PARVA: variants seen among roughly 807,000 people sequenced by gnomAD.
PARVA encodes the protein parvin alpha, also known as alpha-parvin.
In PARVA, 25 loss-of-function variants were observed where a neutral mutation model predicts 52.6. The ratio of observed to expected loss-of-function variants is 0.48; its 90% confidence interval spans 0.35 to 0.66. The LOEUF (loss-of-function observed/expected upper bound fraction) is 0.66. PARVA is among the 30% of genes least tolerant of loss of function. The pLI is 0.01. For missense variants in PARVA, 373 were observed against 450.9 expected (o/e 0.83, Z 1.56); for synonymous variants, 185 against 179.1 (o/e 1.03, Z -0.26).
intron 12 of PARVA, among the ~76,000 whole-genome samples, chr11:12,524,108 G>C (rs1419091589): frequency 6.6e-6 from 1 of 152,210 alleles, no homozygotes; most frequent in Admixed American, 6.5e-5. Flanking sequence ...GTTTTCCAAG[G>C]AGCAGGGCTT....
intron 1 of PARVA, among the ~76,000 whole-genome samples, chr11:12,387,604 C>T (rs988694476): frequency 4.6e-5 from 7 of 151,832 alleles, no homozygotes; most frequent in African/African-American, 7.3e-5. Context: ...CTCATCCCTA[C>T]CCCTAGGAAT....
At chr11:12,517,967 C>T (rs1308747828) in intron 11 of PARVA, among the ~76,000 whole-genome samples, 1 of 152,186 alleles carries the variant, frequency 6.6e-6, no homozygotes, top group East Asian at 1.9e-4. Context: ...GTCAAGTGCC[C>T]CAGCCCAGCC....
chr11:12,418,596 A>G (rs766017437), intron 1 of PARVA, among the ~76,000 whole-genome samples: 26 of 152,104 alleles, frequency 1.7e-4, no homozygotes, highest in Non-Finnish European at 3.4e-4. Flanking sequence ...GGCCAGCGTG[A>G]TGACTGCTTG....
intron 1 of PARVA, among the ~76,000 whole-genome samples, chr11:12,380,866 G>C (rs184497133): frequency 4.1e-4 from 63 of 152,312 alleles, no homozygotes; most frequent in African/African-American, 1.5e-3. Flanking sequence ...CTTACTCAAA[G>C]ACATTTTTAT....
intron 1 of PARVA, among the ~76,000 whole-genome samples, chr11:12,432,209 T>A (rs1940325068): frequency 2.0e-5 from 3 of 152,224 alleles, no homozygotes; most frequent in Admixed American, 6.5e-5. Context: ...TGAAAAATAT[T>A]GCTCACACAT....
chr11:12,512,003 AC>A (rs1233754255), intron 8 of PARVA, among the ~76,000 whole-genome samples: 1 of 152,220 alleles, frequency 6.6e-6, no homozygotes, highest in Non-Finnish European at 1.5e-5. Flanking sequence ...TCAGAAAAAA[AC>A]GTTTTGAGCA....
intron 12 of PARVA, among the ~76,000 whole-genome samples, chr11:12,525,576 A>G (rs75322534): frequency 0.012 from 1,858 of 152,112 alleles, 37 homozygotes; most frequent in African/African-American, 0.042. Flanking sequence ...TTTAAGAAAC[A>G]CTCAACACCA....
At chr11:12,491,495 C>T (rs1941233312) in intron 4 of PARVA, among the ~76,000 whole-genome samples, 1 of 152,012 alleles carries the variant, frequency 6.6e-6, no homozygotes, top group African/African-American at 2.4e-5. Context: ...ATGAGGGACA[C>T]GCGAAGGTTG....
intron 1 of PARVA, among the ~76,000 whole-genome samples, chr11:12,419,024 T>C (rs1159150802): frequency 6.6e-6 from 1 of 152,176 alleles, no homozygotes; most frequent in African/African-American, 2.4e-5. Flanking sequence ...CCGAAGTTAT[T>C]AAGTGGTTGA....
In PARVA at chr11:12,501,539, C is replaced by T. The variant is rs970522269; in HGVS notation, c.542-2775C>T. 2.6e-5 allele frequency among the ~76,000 whole-genome samples: 4 copies of T among 152,110 alleles called. 1 individual carries two copies. The highest frequency in any genetic ancestry group is 6.3e-3 in the Middle Eastern group (2 of 316). Reference sequence around the variant, plus strand: ...AGGACTCCAGAATCCTCACTTTAAGCGGAGCAGTTGTACTTTTTTCATCAG... The same window carrying T: ...AGGACTCCAGAATCCTCACTTTAAGTGGAGCAGTTGTACTTTTTTCATCAG... On this transcript the variant is annotated intron_variant, in intron 5 of 12. Coordinates refer to ENST00000334956, the MANE Select transcript of PARVA (RefSeq NM_018222.5).
intron 4 of PARVA, among the ~76,000 whole-genome samples, chr11:12,489,586 G>A (rs2135053424): frequency 6.6e-6 from 1 of 152,226 alleles, no homozygotes; most frequent in Non-Finnish European, 1.5e-5. Flanking sequence ...CATAATGAAT[G>A]AGAATTTTCT....
chr11:12,421,925 C>A (rs1184110640), intron 1 of PARVA, among the ~76,000 whole-genome samples: 1 of 152,148 alleles, frequency 6.6e-6, no homozygotes, highest in Non-Finnish European at 1.5e-5. Context: ...TTGAGTAGTT[C>A]AAGATCTTTT....
chr11:12,473,884 C>T (rs764408583), intron 2 of PARVA, 29 bp from the exon 3 acceptor site: 3 of 1,563,460 alleles, frequency 1.9e-6, no homozygotes, highest in Non-Finnish European at 2.6e-6. Flanking sequence ...CATGCCAGCA[C>T]CCCCACTGAA....
chr11:12,488,304 T>G (rs891501566), intron 4 of PARVA, among the ~76,000 whole-genome samples: 1 of 152,334 alleles, frequency 6.6e-6, no homozygotes, highest in African/African-American at 2.4e-5. Flanking sequence ...CAGATAAATC[T>G]TATTGGTACC....
rs149677527 is a variant in PARVA, at chr11:12,523,505, C to A, written c.1043-4344C>A. Among the ~76,000 whole-genome samples, 145 of 152,334 alleles carry A rather than the reference C, an allele frequency of 9.5e-4. 3 individuals carry two copies. The East Asian group carries it at 0.025, about 27-fold the overall frequency. ...AGGGCCTTGTCCCTTTGTGCAAAGA[C>A]AGTTTCTGCTGGGAAGAGAGTTCCT... On this transcript the variant is annotated intron_variant, in intron 12 of 12. Coordinates refer to ENST00000334956, the MANE Select transcript of PARVA (RefSeq NM_018222.5).
At chr11:12,492,105 T>A (rs1233438111) in intron 4 of PARVA, among the ~76,000 whole-genome samples, 12 of 152,230 alleles carry the variant, frequency 7.9e-5, no homozygotes, top group Admixed American at 7.9e-4. Flanking sequence ...TATAGTGTGG[T>A]ATATATGACA....
At chr11:12,433,678 T>C (rs998515099) in intron 1 of PARVA, among the ~76,000 whole-genome samples, 5 of 152,208 alleles carry the variant, frequency 3.3e-5, no homozygotes, top group Admixed American at 6.5e-5. Flanking sequence ...TTAGAGGTTG[T>C]TGTTTTAACT....
intron 4 of PARVA, chr11:12,478,216 C>T (rs1302255641): frequency 3.8e-6 from 2 of 520,114 alleles, no homozygotes; most frequent in Non-Finnish European, 7.1e-6. Context: ...GAAAAGACCC[C>T]ACTGTATATT....
intron 5 of PARVA, among the ~76,000 whole-genome samples, chr11:12,501,782 T>C (rs1433601226): frequency 6.6e-6 from 1 of 152,224 alleles, no homozygotes; most frequent in Non-Finnish European, 1.5e-5. Flanking sequence ...CCCAGGAGGA[T>C]AGAGCATTCA....
Sources: gnomAD v4.1 joint callset for allele counts (sites outside exome capture counted in the v4.1 genomes callset) on GRCh38, gnomAD v4.1.1 for gene constraint, MANE v1.5 for transcripts, NCBI Gene and HGNC (gene_info 2026-07-23, HGNC 2026-07-21) for gene names.